Variants in CCNY observed in about 807,000 individuals in gnomAD.
CCNY encodes the protein cyclin-Y.
Under a neutral mutation model 42.8 loss-of-function variants are expected in CCNY, and 19 were observed. That is an observed-to-expected ratio of 0.44 (90% confidence interval 0.31 to 0.65). CCNY has a LOEUF of 0.65. Ranked by LOEUF, CCNY falls within the 30% of genes least tolerant of loss-of-function variation. CCNY has a pLI of 0.07. For missense variants in CCNY, 370 were observed against 437.3 expected (o/e 0.85, Z 1.37); for synonymous variants, 165 against 162.7 (o/e 1.01, Z -0.11).
chr10:35,506,910 C>T (rs1432460091), intron 3 of CCNY, among the ~76,000 whole-genome samples: 3 of 152,236 alleles, frequency 2.0e-5, no homozygotes, highest in Non-Finnish European at 4.4e-5. Flanking sequence ...TGCTCTGACA[C>T]TGCTACATGT....
At chr10:35,521,935 GAA>G (rs977571382) in intron 4 of CCNY, among the ~76,000 whole-genome samples, 2 of 152,218 alleles carry the variant, frequency 1.3e-5, no homozygotes, top group Admixed American at 1.3e-4. Context: ...AAGGGAACCT[GAA>G]AAGAGACCAG....
rs56328003 is a variant in CCNY at position 35,258,933 on chromosome 10, T to TAA, written c.-9+8322_-9+8323dup. 8.1e-3 allele frequency among the ~76,000 whole-genome samples: 1,101 copies of TAA among 135,734 alleles called. 13 individuals are homozygous for TAA. Among genetic ancestry groups the TAA allele is most frequent in the African/African-American group, 0.023 (823 of 36,524 alleles). 89.0% of individuals were successfully genotyped at this position (135,734 alleles called of 152,430 possible). On this transcript the variant is annotated intron_variant, in intron 3 of 11. Transcript: ENST00000374706. The stretch of plus-strand genomic sequence containing the variant: ...CCTGGGTGACAGAGAGAGACTGTCT[T>TAA]AAAAAAAAAAAAAAAAGGAAACACA...
intron 1 of CCNY, among the ~76,000 whole-genome samples, chr10:35,348,379 A>G (rs1009061154): frequency 6.6e-6 from 1 of 152,214 alleles, no homozygotes; most frequent in Admixed American, 6.5e-5. Flanking sequence ...GGAGGGGTCC[A>G]TCTGAGGGCT....
At chr10:35,529,717 A>AT (rs1840725001) in intron 5 of CCNY, among the ~76,000 whole-genome samples, 1 of 151,578 alleles carries the variant, frequency 6.6e-6, no homozygotes, top group Non-Finnish European at 1.5e-5. Context: ...ACAAAAAAAA[A>AT]AAATTAGCCG....
chr10:35,369,297 A>G (rs1258397245), intron 1 of CCNY, among the ~76,000 whole-genome samples: 2 of 152,180 alleles, frequency 1.3e-5, no homozygotes, highest in African/African-American at 4.8e-5. Flanking sequence ...CTTGGACCGT[A>G]TTTCCTCCTG....
rs1436183226 is a variant in CCNY at position 35,530,401 on chromosome 10, T to G, written c.579+158T>G. 6.6e-6 allele frequency among the ~76,000 whole-genome samples: 1 copy of G among 152,202 alleles called. No individual in the cohort carries two copies. The highest frequency in any genetic ancestry group is 6.5e-5 in the Admixed American group (1 of 15,288). The stretch of plus-strand genomic sequence containing the variant: ...CAGTGTTGTCGTTCTCCTGGGAGAA[T>G]AGAGGATAGATATCCCGGAAGAGAT... On this transcript the variant is annotated intron_variant, in intron 7 of 9. Transcript: ENST00000374704. The surrounding 1 kb of genome is among the most constrained non-coding windows in gnomAD (Gnocchi z 4.3).
intron 1 of CCNY, among the ~76,000 whole-genome samples, chr10:35,344,916 T>TA (rs1836266444): frequency 6.6e-6 from 1 of 152,246 alleles, no homozygotes; most frequent in Non-Finnish European, 1.5e-5. Flanking sequence ...CATCATTTTT[T>TA]ATGGCTGCAT....
chr10:35,267,724 TG>T (rs1314179450), intron 3 of CCNY, among the ~76,000 whole-genome samples: 1 of 152,302 alleles, frequency 6.6e-6, no homozygotes, highest in African/African-American at 2.4e-5. Context: ...AAAAGGACAG[TG>T]TGGGCACGAG....
Position 35,530,664 on chromosome 10 carries a change from A to G in CCNY, c.579+421A>G, listed in dbSNP as rs1383093497. ...ATCTTATATGAACACTTGTCTAGGA[A>G]GGAGTGTGTATATTCCTAGCTTCTG... On this transcript the variant is annotated intron_variant, in intron 7 of 9. Transcript: ENST00000374704. The surrounding 1 kb of genome is among the most constrained non-coding windows in gnomAD (Gnocchi z 4.3). Among the ~76,000 whole-genome samples, 1 of 152,226 alleles carries G rather than the reference A, an allele frequency of 6.6e-6. No individual in the cohort carries two copies. Among genetic ancestry groups the G allele is most frequent in the African/African-American group, 2.4e-5 (1 of 41,460 alleles).
chr10:35,451,456 T>G (rs750055170), intron 1 of CCNY, among the ~76,000 whole-genome samples: 1 of 152,146 alleles, frequency 6.6e-6, no homozygotes, highest in Non-Finnish European at 1.5e-5. Context: ...GACTGGAAAG[T>G]TGGTGATGAA....
intron 3 of CCNY, among the ~76,000 whole-genome samples, chr10:35,309,720 C>A (rs1380434211): frequency 6.6e-6 from 1 of 151,852 alleles, no homozygotes; most frequent in Admixed American, 6.6e-5. Context: ...TGTGCCCAAC[C>A]TCCAAGTCTT....
Position 35,549,716 on chromosome 10 carries a change from T to C in CCNY, c.580-3303T>C, listed in dbSNP as rs75896388. Among the ~76,000 whole-genome samples, 241 of 103,038 alleles carry C rather than the reference T, an allele frequency of 2.3e-3. 5 individuals carry two copies. Among genetic ancestry groups the C allele is most frequent in the South Asian group, 0.013 (35 of 2,756 alleles). The allele number at this position is 103,038 out of a possible 152,430, so 67.6% of individuals were successfully genotyped here. ...TCATGGTCCGTGACCCTACACTGCT[T>C]GTGACCCTGCGCTGCTCATGGCCCA... On this transcript the variant is annotated intron_variant, in intron 7 of 9. Coordinates refer to ENST00000374704, the MANE Select transcript of CCNY (RefSeq NM_145012.6).
intron 1 of CCNY, among the ~76,000 whole-genome samples, chr10:35,464,562 G>A (rs1839218920): frequency 1.3e-5 from 2 of 149,074 alleles, no homozygotes. Flanking sequence ...TGCCCAGTAT[G>A]CTTTTTTTTT....
intron 1 of CCNY, chr10:35,347,513 A>G (rs981076381): frequency 1.3e-6 from 1 of 745,954 alleles, no homozygotes; most frequent in Non-Finnish European, 1.6e-6. Context: ...AGTGCTTACA[A>G]CATTTTATAA....
At chr10:35,317,752 A>ATGGTGATGGTGAG (rs1835777084) in intron 3 of CCNY, among the ~76,000 whole-genome samples, 1 of 152,176 alleles carries the variant, frequency 6.6e-6, no homozygotes, top group Non-Finnish European at 1.5e-5. Flanking sequence ...GACGTGGGGA[A>ATGGTGATGGTGAG]TGGTGATGGT....
At chr10:35,554,752 A>G (rs1841329368) in intron 8 of CCNY, among the ~76,000 whole-genome samples, 1 of 152,226 alleles carries the variant, frequency 6.6e-6, no homozygotes, top group African/African-American at 2.4e-5. Context: ...AGAATACCTA[A>G]TGAAATTAGA....
chr10:35,429,079 T>C (rs1038462206), intron 1 of CCNY, among the ~76,000 whole-genome samples: 1 of 152,276 alleles, frequency 6.6e-6, no homozygotes, highest in Non-Finnish European at 1.5e-5. Flanking sequence ...AGTCACCTTC[T>C]ACCAGAATCT....
intron 1 of CCNY, among the ~76,000 whole-genome samples, chr10:35,467,998 T>C (rs1428491653): frequency 6.6e-6 from 1 of 152,372 alleles, no homozygotes; most frequent in East Asian, 1.9e-4. Flanking sequence ...TATTGAATTG[T>C]AGATTTCATT....
intron 2 of CCNY, among the ~76,000 whole-genome samples, chr10:35,496,027 C>T (rs564691727): frequency 3.3e-5 from 5 of 152,214 alleles, no homozygotes; most frequent in African/African-American, 9.6e-5. Context: ...CTGTGCTACC[C>T]ACAGGAAAAA....
Sources: allele counts gnomAD v4.1 joint callset (sites outside exome capture counted in the v4.1 genomes callset), GRCh38; gene constraint gnomAD v4.1.1; non-coding constraint Gnocchi (gnomAD v3.1); transcripts MANE v1.5; gene names NCBI Gene and HGNC (gene_info 2026-07-23, HGNC 2026-07-21).